Variants in CYFIP1 observed in about 807,000 individuals in gnomAD.
CYFIP1 encodes the protein cytoplasmic FMR1-interacting protein 1.
CYFIP1 carries 58 observed loss-of-function variants against 163.5 expected under a neutral mutation model. The observed-to-expected ratio is 0.35, with a 90% CI of 0.29 to 0.44. CYFIP1 has a LOEUF of 0.44. CYFIP1 is among the 20% of genes least tolerant of loss of function. The pLI, the probability that CYFIP1 is intolerant of heterozygous loss-of-function variation, is 1.00. For synonymous variants in CYFIP1, 663 were observed against 660.7 expected (o/e 1.00, Z -0.05); for missense variants, 1,338 against 1,653.8 (o/e 0.81, Z 3.31).
chr15:22,939,603 T>G, intron 6 of CYFIP1, 96 bp from the exon 7 acceptor site: 36 of 900,898 alleles, frequency 4.0e-5, no homozygotes, highest in Non-Finnish European at 4.9e-5. Context: ...GTGGGATCCC[T>G]TTCCCCTACA....
In CYFIP1 at chr15:22,917,573, A is replaced by G; in HGVS notation, c.1674+215T>C. The G allele has an allele frequency of 1.6e-6, 1 of 620,514 alleles. No individual in the cohort carries two copies. The highest frequency in any genetic ancestry group is 3.6e-5 in the Admixed American group (1 of 27,896). 38.4% of individuals were successfully genotyped at this position (620,514 alleles called of 1,614,324 possible). On this transcript the variant is annotated intron_variant, in intron 15 of 30. Transcript: ENST00000617928. The surrounding 1 kb of genome is among the most constrained non-coding windows in gnomAD (Gnocchi z 4.2). ...ATGGAGTCAGACTCCTTTTTAGTGCACATGACACATCTGACAATCAAGGCA... is the reference window on the plus strand; with the variant it reads ...ATGGAGTCAGACTCCTTTTTAGTGCGCATGACACATCTGACAATCAAGGCA...
At chr15:22,915,683 A>G (rs572834348) in intron 16 of CYFIP1, among the ~76,000 whole-genome samples, 2 of 152,290 alleles carry the variant, frequency 1.3e-5, no homozygotes, top group South Asian at 4.1e-4. Context: ...TGGGAGGCGG[A>G]GCTTGCAGTG....
In CYFIP1 at chr15:22,868,455, C is replaced by CTT. The variant is rs529705808; in HGVS notation, c.*1571_*1572dup. On this transcript the variant is annotated 3_prime_UTR_variant, in exon 31 of 31. Transcript: ENST00000617928. ...TGGTATATAATTAAGCCTTATAAAA[C>CTT]TTGGTAATTGATTAAGTTTTACCAT... 296 of 151,858 alleles carry CTT rather than the reference C, an allele frequency of 1.9e-3. No individual in the cohort carries two copies. The highest frequency in any genetic ancestry group is 6.9e-3 in the African/African-American group (284 of 41,144). 9.4% of individuals were successfully genotyped at this position (151,858 alleles called of 1,614,324 possible).
Position 22,964,900 on chromosome 15 carries a change from A to G in CYFIP1, c.-7+15387T>C, listed in dbSNP as rs527509480. Among the ~76,000 whole-genome samples the G allele has an allele frequency of 4.5e-4, 68 of 152,214 alleles. No individual in the cohort carries two copies. In the Middle Eastern group the frequency reaches 0.014, roughly 30 times the overall value. ...GCTTCTATGAGCTCAAATTTTCTAG[A>G]TTCCACATAGAAATCAGGTCATGCA... On this transcript the variant is annotated intron_variant, in intron 1 of 30. Coordinates refer to ENST00000617928, the MANE Select transcript of CYFIP1 (RefSeq NM_014608.6).
Position 22,868,560 on chromosome 15 carries a change from G to A in CYFIP1, c.*1468C>T, listed in dbSNP as rs1401329626. On this transcript the variant is annotated 3_prime_UTR_variant, in exon 31 of 31. Coordinates refer to ENST00000617928, the MANE Select transcript of CYFIP1 (RefSeq NM_014608.6). Reference sequence around the variant, plus strand: ...TCTGCAGCAGAATGCTGGCCCCAGGGTTATTAATTCACATTACCAAAAGCA... The same window carrying A: ...TCTGCAGCAGAATGCTGGCCCCAGGATTATTAATTCACATTACCAAAAGCA... The A allele has an allele frequency of 2.0e-5, 3 of 151,930 alleles. No homozygotes were observed. Among genetic ancestry groups the A allele is most frequent in the Non-Finnish European group, 4.4e-5 (3 of 67,994 alleles). The allele number at this position is 151,930 out of a possible 1,614,324, so 9.4% of individuals were successfully genotyped here. A position where few individuals can be genotyped will look rare whatever the true frequency, so the allele number is the denominator to read the frequency against.
chr15:22,977,737 A>G (rs994478612), intron 1 of CYFIP1, among the ~76,000 whole-genome samples: 4 of 152,012 alleles, frequency 2.6e-5, no homozygotes, highest in African/African-American at 9.7e-5. Context: ...AGGCTGGGGC[A>G]GGAGAATTGC....
intron 23 of CYFIP1, among the ~76,000 whole-genome samples, chr15:22,891,786 G>A (rs2060090326): frequency 6.6e-6 from 1 of 152,238 alleles, no homozygotes; most frequent in Non-Finnish European, 1.5e-5. Context: ...AAGGACTGGA[G>A]TGAGAAGATC....
At chr15:22,910,430 G>C (rs1595574817) in intron 20 of CYFIP1, 90 bp downstream of exon 20, 1 of 1,062,934 alleles carries the variant, frequency 9.4e-7, no homozygotes, top group East Asian at 2.5e-5. Context: ...CCAGTGTTGG[G>C]ATTACAGGCG....
chr15:22,917,340 G>C lies in CYFIP1; in HGVS notation c.1674+448C>G. 7.8e-7 allele frequency: 1 copy of C among 1,285,538 alleles called. No individual in the cohort carries two copies. Among genetic ancestry groups the C allele is most frequent in the Non-Finnish European group, 9.9e-7 (1 of 1,013,036 alleles). The allele number at this position is 1,285,538 out of a possible 1,614,324, so 79.6% of individuals were successfully genotyped here. Reference sequence around the variant, plus strand: ...TGTGAAAGTCGTGAGAAGCACCTCGGGGAGGCCTGAACACACCAGGAGAGA... The same window carrying C: ...TGTGAAAGTCGTGAGAAGCACCTCGCGGAGGCCTGAACACACCAGGAGAGA... On this transcript the variant is annotated intron_variant, in intron 15 of 30. Coordinates refer to ENST00000617928, the MANE Select transcript of CYFIP1 (RefSeq NM_014608.6). This position sits in a 1 kb window ranked among gnomAD's most constrained non-coding sequence, Gnocchi z 4.2.
At chr15:22,884,700 T>G (rs2059880374) in intron 23 of CYFIP1, among the ~76,000 whole-genome samples, 1 of 152,106 alleles carries the variant, frequency 6.6e-6, no homozygotes. Context: ...ACTCTGTGTG[T>G]GGGGCTCCAA....
chr15:22,915,965 A>T (rs189966358), intron 16 of CYFIP1, among the ~76,000 whole-genome samples: 1 of 152,200 alleles, frequency 6.6e-6, no homozygotes, highest in Non-Finnish European at 1.5e-5. Flanking sequence ...CAGCCAAGAC[A>T]GCAGGGATCC....
chr15:22,978,288 G>C (rs1368768959), intron 1 of CYFIP1, among the ~76,000 whole-genome samples: 1 of 138,662 alleles, frequency 7.2e-6, no homozygotes, highest in Non-Finnish European at 1.5e-5. Context: ...GGAGGCATAG[G>C]TTGTGGCGAG....
intron 26 of CYFIP1, among the ~76,000 whole-genome samples, chr15:22,878,410 G>A (rs566213220): frequency 6.6e-6 from 1 of 152,254 alleles, no homozygotes; most frequent in East Asian, 1.9e-4. Flanking sequence ...GCTGGCAGAT[G>A]GCAGGGGACA....
intron 1 of CYFIP1, among the ~76,000 whole-genome samples, chr15:22,954,308 C>A (rs939312234): frequency 1.3e-5 from 2 of 152,192 alleles, no homozygotes; most frequent in Non-Finnish European, 2.9e-5. Context: ...CCTGCCTGAT[C>A]TGTGGTGTTT....
In CYFIP1 at chr15:22,912,200, C is replaced by G. The variant is rs2289818; in HGVS notation, c.2061G>C (p.Leu687=). 571,998 of 1,612,984 alleles carry G rather than the reference C, an allele frequency of 0.35. 107,373 individuals are homozygous for G. The highest frequency in any genetic ancestry group is 0.63 in the African/African-American group (47,429 of 74,924). The change falls in exon 18 of 31, where the codon CTG becomes CTC. Residue 687 remains leucine, a synonymous_variant. Transcript: ENST00000617928. ...YALTRFNKQF[L]YDEIEAEVNL... ...TCACCTCGGCCTCAATTTCGTCGTA[C>G]AGGAACTGCTTGTTGAACCTGGTGA...
Position 22,890,875 on chromosome 15 carries a change from G to A in CYFIP1, c.2676+2015C>T, listed in dbSNP as rs72622090. On this transcript the variant is annotated intron_variant, in intron 23 of 30. Transcript: ENST00000617928. ...CACCTGCCAACAGCCTCGAGAACGC[G>A]GAGTGTGGAATGATGGAATGAGCCT... 0.014 allele frequency among the ~76,000 whole-genome samples: 2,051 copies of A among 149,128 alleles called. 282 individuals are homozygous for A. In the East Asian group the frequency reaches 0.28, roughly 20 times the overall value.
rs17137197 is a variant in CYFIP1 at position 22,911,827 on chromosome 15, A to G, written c.2082+352T>C. On this transcript the variant is annotated intron_variant, in intron 18 of 30. Coordinates refer to ENST00000617928, the MANE Select transcript of CYFIP1 (RefSeq NM_014608.6). ...GAATTTGTCCTATAGAAGTCATGCG[A>G]TGCAAATAAAAAACATGCCAGGGAG... Among the ~76,000 whole-genome samples, 496 of 152,360 alleles carry G rather than the reference A, an allele frequency of 3.3e-3. 3 individuals carry two copies. Among genetic ancestry groups the G allele is most frequent in the African/African-American group, 0.011 (472 of 41,586 alleles).
chr15:22,934,496 T>A (rs1347456010), intron 9 of CYFIP1, among the ~76,000 whole-genome samples: 20 of 112,954 alleles, frequency 1.8e-4, no homozygotes, highest in African/African-American at 5.9e-4. Flanking sequence ...TTTTTTTTTT[T>A]TTTTTTTTTT....
chr15:22,917,016 C>A lies in CYFIP1; in HGVS notation c.1675-386G>T. The A allele has an allele frequency of 6.5e-7, 1 of 1,547,750 alleles. No homozygotes were observed. Among genetic ancestry groups the A allele is most frequent in the Non-Finnish European group, 8.7e-7 (1 of 1,145,360 alleles). ...AGAGCCCAAGGACTCGGCCATGGTG[C>A]GCACCAGGTAGAGCTAGACACGGAC... is the stretch of plus-strand genomic sequence containing the variant. On this transcript the variant is annotated intron_variant, in intron 15 of 30. Transcript: ENST00000617928. This position sits in a 1 kb window ranked among gnomAD's most constrained non-coding sequence, Gnocchi z 4.2.
Sources: gnomAD v4.1 joint callset for allele counts (sites outside exome capture counted in the v4.1 genomes callset) on GRCh38, gnomAD v4.1.1 for gene constraint, Gnocchi (gnomAD v3.1) non-coding constraint, MANE v1.5 for transcripts, NCBI Gene and HGNC (gene_info 2026-07-23, HGNC 2026-07-21) for gene names.